The following MGAT4D variants were observed in gnomAD, a reference collection of about 807,000 sequenced individuals.
The protein encoded by MGAT4D is alpha-1,3-mannosyl-glycoprotein 4-beta-N-acetylglucosaminyltransferase-like protein MGAT4D.
MGAT4D carries 34 observed loss-of-function variants against 15.9 expected under a neutral mutation model. That is an observed-to-expected ratio of 2.14 (90% CI 1.62 to 2.84). The LOEUF (loss-of-function observed/expected upper bound fraction) is 2.84. Ranked by LOEUF, MGAT4D falls within the 30% of genes most tolerant of loss-of-function variation. MGAT4D has a pLI of 0.00. For synonymous variants in MGAT4D, 112 were observed against 48.2 expected (o/e 2.33, Z -5.49); for missense variants, 327 against 140.2 (o/e 2.33, Z -6.73).
At chr4:140,474,516 C>T (rs1732184786) in intron 4 of MGAT4D, among the ~76,000 whole-genome samples, 1 of 152,026 alleles carries the variant, frequency 6.6e-6, no homozygotes, top group Admixed American at 6.6e-5. Flanking sequence ...ACTTCTGAGC[C>T]ATATAGTAGG....
At chr4:140,463,304 C>A (rs1459313444) in intron 6 of MGAT4D, among the ~76,000 whole-genome samples, 1 of 152,096 alleles carries the variant, frequency 6.6e-6, no homozygotes, top group East Asian at 1.9e-4. Flanking sequence ...CCTAGCTGAA[C>A]TTTGTAATAA....
intron 4 of MGAT4D, 141 bp downstream of exon 4, chr4:140,474,672 A>G: frequency 2.4e-6 from 1 of 422,706 alleles, no homozygotes; most frequent in Non-Finnish European, 4.2e-6. Context: ...GTTGTCTGGT[A>G]TCCAAAAAAG....
In MGAT4D at chr4:140,451,401, A is replaced by C. The variant is rs183604314; in HGVS notation, c.1116+9T>G. On this transcript the variant is annotated intron_variant, in intron 10 of 10. Coordinates refer to ENST00000511113, the MANE Select transcript of MGAT4D (RefSeq NM_001277353.2). Reference sequence around the variant, plus strand: ...TGTATGTTACTAAAGTTACATTTCAAAATCTTACTTTTTCATATTGTTCTT... The same window carrying C: ...TGTATGTTACTAAAGTTACATTTCACAATCTTACTTTTTCATATTGTTCTT... 1.7e-6 allele frequency: 1 copy of C among 584,588 alleles called. No individual in the cohort carries two copies. Among genetic ancestry groups the C allele is most frequent in the African/African-American group, 1.9e-5 (1 of 53,008 alleles). The allele number at this position is 584,588 out of a possible 1,614,324, so 36.2% of individuals were successfully genotyped here.
chr4:140,493,530 C>T (rs1475117655), intron 1 of MGAT4D, among the ~76,000 whole-genome samples: 2 of 152,082 alleles, frequency 1.3e-5, no homozygotes, highest in Middle Eastern at 3.4e-3. Flanking sequence ...CTCCTGACCT[C>T]GTGATCTGCC....
At chr4:140,456,526 T>C in intron 9 of MGAT4D, 63 bp downstream of exon 9, 1 of 489,260 alleles carries the variant, frequency 2.0e-6, no homozygotes, top group Non-Finnish European at 3.6e-6. Flanking sequence ...AAATTTTAGG[T>C]AATTACGTTG....
intron 1 of MGAT4D, among the ~76,000 whole-genome samples, chr4:140,483,178 C>A (rs943337313): frequency 6.6e-6 from 1 of 152,062 alleles, no homozygotes; most frequent in African/African-American, 2.4e-5. Flanking sequence ...AGTGCTGATG[C>A]ACATAAACTA....
At chr4:140,479,701 G>T in intron 2 of MGAT4D, 74 bp from the exon 3 acceptor site, 1 of 367,898 alleles carries the variant, frequency 2.7e-6, no homozygotes, top group Non-Finnish European at 4.8e-6. Context: ...TTTTTTCAAA[G>T]AGGTGTTAAT....
At chr4:140,448,956 GA>G (rs1180655582) in intron 10 of MGAT4D, among the ~76,000 whole-genome samples, 1 of 152,090 alleles carries the variant, frequency 6.6e-6, no homozygotes, top group East Asian at 1.9e-4. Flanking sequence ...AGACATACAT[GA>G]AAAAAAGTCG....
chr4:140,450,977 C>T (rs1897279), intron 10 of MGAT4D, among the ~76,000 whole-genome samples: 142,470 of 152,262 alleles, frequency 0.94, 66,746 homozygotes, highest in East Asian at 0.99. Flanking sequence ...ATTCAAGCAA[C>T]GCTAAATTTT....
chr4:140,493,894 G>T (rs1437574635), intron 1 of MGAT4D, among the ~76,000 whole-genome samples: 1 of 152,186 alleles, frequency 6.6e-6, no homozygotes, highest in Non-Finnish European at 1.5e-5. Flanking sequence ...CAAACTGCCA[G>T]CCTTTGCTGG....
intron 10 of MGAT4D, among the ~76,000 whole-genome samples, chr4:140,447,870 C>G (rs575892107): frequency 1.3e-5 from 2 of 152,242 alleles, no homozygotes; most frequent in South Asian, 4.1e-4. Flanking sequence ...GTTAGTGCTC[C>G]TTTCAGGAGG....
intron 5 of MGAT4D, among the ~76,000 whole-genome samples, chr4:140,471,396 G>A (rs1033357247): frequency 1.3e-5 from 2 of 151,964 alleles, no homozygotes; most frequent in East Asian, 1.9e-4. Context: ...GCTTCATATT[G>A]GTTAATCCGT....
intron 6 of MGAT4D, 56 bp downstream of exon 6, chr4:140,464,840 A>G (rs1011527218): frequency 1.4e-6 from 1 of 695,054 alleles, no homozygotes; most frequent in Non-Finnish European, 2.6e-6. Flanking sequence ...GCTGATTCCA[A>G]GATTTTATCA....
chr4:140,444,040 C>A (rs1374771972), intron 10 of MGAT4D, among the ~76,000 whole-genome samples: 1 of 152,046 alleles, frequency 6.6e-6, no homozygotes, highest in Admixed American at 6.6e-5. Context: ...AATATCTTTT[C>A]CCAGCATCAA....
chr4:140,495,239 G>A (rs1351675677), intron 1 of MGAT4D, among the ~76,000 whole-genome samples: 2 of 152,088 alleles, frequency 1.3e-5, no homozygotes, highest in African/African-American at 2.4e-5. Flanking sequence ...ATGCTTCCTC[G>A]TTTCATTTGA....
At chr4:140,445,305 C>T (rs1329045443) in intron 10 of MGAT4D, among the ~76,000 whole-genome samples, 2 of 151,952 alleles carry the variant, frequency 1.3e-5, no homozygotes, top group Non-Finnish European at 2.9e-5. Context: ...TTTTCATATG[C>T]TTCTTGGCTG....
At chr4:140,487,800 T>C (rs1278106036) in intron 1 of MGAT4D, among the ~76,000 whole-genome samples, 1 of 152,200 alleles carries the variant, frequency 6.6e-6, no homozygotes, top group African/African-American at 2.4e-5. Flanking sequence ...TAAAAAATGC[T>C]GTTTCTCAGG....
intron 1 of MGAT4D, among the ~76,000 whole-genome samples, chr4:140,490,642 G>T (rs533383303): frequency 7.2e-5 from 11 of 152,258 alleles, no homozygotes; most frequent in Admixed American, 2.0e-4. Flanking sequence ...TGATCTCCTT[G>T]CTGGCTGGTT....
At chr4:140,444,751 A>T (rs1255619259) in intron 10 of MGAT4D, among the ~76,000 whole-genome samples, 1 of 152,176 alleles carries the variant, frequency 6.6e-6, no homozygotes, top group Non-Finnish European at 1.5e-5. Context: ...TGTTGGGTCA[A>T]ATGATAGTTC....
Sources: allele counts gnomAD v4.1 joint callset (sites outside exome capture counted in the v4.1 genomes callset), GRCh38; gene constraint gnomAD v4.1.1; transcripts MANE v1.5; gene names NCBI Gene and HGNC (gene_info 2026-07-23, HGNC 2026-07-21).